TIPARP: variants seen among roughly 807,000 people sequenced by gnomAD.
The protein encoded by TIPARP is TCDD inducible poly(ADP-ribose) polymerase.
A neutral mutation model predicts 56.5 loss-of-function variants in TIPARP; 12 were observed. The ratio of observed to expected loss-of-function variants is 0.21; its 90% confidence interval spans 0.14 to 0.34. The LOEUF (loss-of-function observed/expected upper bound fraction) is 0.34. TIPARP is among the 10% of genes least tolerant of loss of function. TIPARP has a pLI of 1.00. For synonymous variants in TIPARP, 296 were observed against 265.7 expected (o/e 1.11, Z -1.11); for missense variants, 604 against 781.6 (o/e 0.77, Z 2.71).
At chr3:156,689,345 T>G (rs1423424203) in intron 2 of TIPARP, among the ~76,000 whole-genome samples, 3 of 152,182 alleles carry the variant, frequency 2.0e-5, no homozygotes, top group African/African-American at 7.2e-5. Flanking sequence ...CTTAAATACT[T>G]CAGCTCATTC....
Position 156,692,680 on chromosome 3 carries a change from G to A in TIPARP, c.918-1340G>A, listed in dbSNP as rs982023561. Among the ~76,000 whole-genome samples the A allele has an allele frequency of 1.6e-4, 24 of 152,198 alleles. 2 individuals are homozygous for A. The East Asian group carries it at 4.0e-3, about 26-fold the overall frequency. On this transcript the variant is annotated intron_variant, in intron 2 of 5. Transcript: ENST00000295924. The stretch of plus-strand genomic sequence containing the variant: ...TGGTTGTTTTTTCAGTGTAGAACCT[G>A]ATTCATAAATTGTGAACATTGGGAT...
intron 2 of TIPARP, among the ~76,000 whole-genome samples, chr3:156,680,906 A>G (rs753394999): frequency 2.6e-5 from 4 of 152,204 alleles, no homozygotes; most frequent in Non-Finnish European, 5.9e-5. Context: ...TGCTCCTACT[A>G]CATTGTTAGT....
chr3:156,680,961 CTG>C (rs1161624839), intron 2 of TIPARP, among the ~76,000 whole-genome samples: 1 of 152,146 alleles, frequency 6.6e-6, no homozygotes, highest in African/African-American at 2.4e-5. Context: ...AAAGTATTAA[CTG>C]TTAAATTACT....
rs1333504478 is a variant in TIPARP at position 156,688,828 on chromosome 3, T to G, written c.918-5192T>G. On this transcript the variant is annotated intron_variant, in intron 2 of 5. Transcript: ENST00000295924. ...GCAGCGGCAAACATATCCCATCTGC[T>G]GTGCCTGTCTCAAGCCAGTAGCGGA... 2.6e-5 allele frequency among the ~76,000 whole-genome samples: 4 copies of G among 152,342 alleles called. No individual in the cohort carries two copies. The East Asian group carries it at 7.7e-4, about 29-fold the overall frequency.
At chr3:156,683,353 C>T (rs113027792) in intron 2 of TIPARP, among the ~76,000 whole-genome samples, 2,494 of 152,118 alleles carry the variant, frequency 0.016, 59 homozygotes, top group African/African-American at 0.058. Flanking sequence ...TTCTTGGAGA[C>T]CAGAAGTGTT....
At chr3:156,692,473 A>G (rs930585861) in intron 2 of TIPARP, among the ~76,000 whole-genome samples, 1 of 152,120 alleles carries the variant, frequency 6.6e-6, no homozygotes, top group African/African-American at 2.4e-5. Flanking sequence ...TTTAAACTAC[A>G]TTATATTATC....
At chr3:156,693,544 C>T (rs1722632003) in intron 2 of TIPARP, among the ~76,000 whole-genome samples, 1 of 151,984 alleles carries the variant, frequency 6.6e-6, no homozygotes, top group South Asian at 2.1e-4. Flanking sequence ...TTATTTTTCC[C>T]TTCTTTTATT....
chr3:156,699,027 G>A (rs542222245), intron 4 of TIPARP, among the ~76,000 whole-genome samples: 18 of 152,274 alleles, frequency 1.2e-4, no homozygotes, highest in African/African-American at 3.6e-4. Context: ...TAGCAAGAGA[G>A]GTAGAAGTAG....
At chr3:156,687,481 G>C (rs1722458853) in intron 2 of TIPARP, among the ~76,000 whole-genome samples, 1 of 152,112 alleles carries the variant, frequency 6.6e-6, no homozygotes, top group Admixed American at 6.6e-5. Context: ...TATTTTAGTA[G>C]GTTCTTTTCC....
intron 2 of TIPARP, chr3:156,681,262 T>G (rs763026523): frequency 5.1e-5 from 23 of 452,666 alleles, no homozygotes; most frequent in Non-Finnish European, 9.3e-5. Flanking sequence ...CTGGTCTATC[T>G]GTGCAGATTG....
chr3:156,699,254 AC>A (rs1438459605), intron 4 of TIPARP, among the ~76,000 whole-genome samples: 2 of 152,252 alleles, frequency 1.3e-5, no homozygotes, highest in African/African-American at 2.4e-5. Flanking sequence ...ATTGACTGCA[AC>A]TTTGAAAGAA....
At chr3:156,675,173 G>C (rs1722086230) in intron 1 of TIPARP, 1 of 15,332 alleles carries the variant, frequency 6.5e-5, no homozygotes, top group Non-Finnish European at 1.9e-4. Flanking sequence ...GCCCTTCCCA[G>C]ACCCCGGGGG....
At chr3:156,688,545 G>A (rs1182664196) in intron 2 of TIPARP, among the ~76,000 whole-genome samples, 2 of 149,512 alleles carry the variant, frequency 1.3e-5, no homozygotes, top group Non-Finnish European at 3.0e-5. Flanking sequence ...AAAATCTTAA[G>A]TAGCAACAGA....
intron 4 of TIPARP, among the ~76,000 whole-genome samples, chr3:156,702,753 A>G (rs756671902): frequency 5.3e-5 from 8 of 152,240 alleles, no homozygotes; most frequent in Non-Finnish European, 1.2e-4. Flanking sequence ...AAAGTAACAG[A>G]CATGAATTTA....
At chr3:156,688,589 T>TA (rs1306600932) in intron 2 of TIPARP, among the ~76,000 whole-genome samples, 2 of 151,854 alleles carry the variant, frequency 1.3e-5, no homozygotes, top group Non-Finnish European at 2.9e-5. Context: ...AGAAGAAAGT[T>TA]ACGAATACAT....
intron 1 of TIPARP, among the ~76,000 whole-genome samples, chr3:156,677,446 C>T (rs773760034): frequency 2.6e-5 from 4 of 152,218 alleles, no homozygotes; most frequent in South Asian, 2.1e-4. Context: ...GACTCTTCTA[C>T]TTTTACCTGC....
intron 4 of TIPARP, among the ~76,000 whole-genome samples, chr3:156,696,358 T>A (rs1407702836): frequency 1.3e-5 from 2 of 152,148 alleles, no homozygotes; most frequent in African/African-American, 2.4e-5. Flanking sequence ...ACTTTCAAGA[T>A]GAGACCCTTC....
chr3:156,693,752 T>G (rs1158097308), intron 2 of TIPARP, among the ~76,000 whole-genome samples: 2 of 152,196 alleles, frequency 1.3e-5, no homozygotes, highest in Non-Finnish European at 2.9e-5. Flanking sequence ...TTGATTGGGT[T>G]AGGCCAGTGG....
intron 2 of TIPARP, among the ~76,000 whole-genome samples, chr3:156,680,483 CTT>C (rs966926512): frequency 1.2e-4 from 18 of 152,158 alleles, no homozygotes; most frequent in Non-Finnish European, 1.0e-4. Flanking sequence ...GATTGCAAAA[CTT>C]TGCAGAACAG....
Sources: allele counts gnomAD v4.1 joint callset (sites outside exome capture counted in the v4.1 genomes callset), GRCh38; gene constraint gnomAD v4.1.1; transcripts MANE v1.5; gene names NCBI Gene and HGNC (gene_info 2026-07-23, HGNC 2026-07-21).